Variants in GRM7 observed in about 807,000 individuals in gnomAD.
GRM7 encodes the protein metabotropic glutamate receptor 7.
GRM7 carries 35 observed loss-of-function variants against 84.5 expected under a neutral mutation model. That is an observed-to-expected ratio of 0.41 (90% confidence interval 0.32 to 0.55). The LOEUF (loss-of-function observed/expected upper bound fraction) is 0.55, where lower values mean the gene tolerates loss of function less well. Among genes scored for constraint, GRM7 ranks in the 20% least tolerant of loss-of-function variants. The pLI is 0.19. For missense variants in GRM7, 1,003 were observed against 1,194.6 expected, an observed-to-expected ratio of 0.84 and a Z score of 2.36; for synonymous variants, 487 against 455.1, an observed-to-expected ratio of 1.07 and a Z score of -0.89.
chr3:7,089,783 T>C (rs904069374), intron 1 of GRM7, among the ~76,000 whole-genome samples: 2 of 152,104 alleles, frequency 1.3e-5, no homozygotes, highest in Non-Finnish European at 2.9e-5. Context: ...TTTCAAGAGA[T>C]GTTGTGAGAT....
intron 4 of GRM7, among the ~76,000 whole-genome samples, chr3:7,370,336 T>C (rs7647276): frequency 0.38 from 57,946 of 151,946 alleles, 11,538 homozygotes; most frequent in East Asian, 0.57. Flanking sequence ...TTGGATGATA[T>C]GGATCCAGAT....
In GRM7 at chr3:6,944,859, G is replaced by T. The variant is rs558163916; in HGVS notation, c.519+82952G>T. Among the ~76,000 whole-genome samples, 11 of 152,180 alleles carry T rather than the reference G, an allele frequency of 7.2e-5. No individual in the cohort carries two copies. In the East Asian group the frequency reaches 2.1e-3, roughly 29 times the overall value. On this transcript the variant is annotated intron_variant, in intron 1 of 9. Coordinates refer to ENST00000357716, the MANE Select transcript of GRM7 (RefSeq NM_000844.4). ...ACAAGTTCATTTTCAGCCTACTCAG[G>T]TTCTCTATTTATTAAGTGAGCCCTT...
chr3:7,432,310 C>T (rs1559317470), intron 5 of GRM7, among the ~76,000 whole-genome samples: 1 of 152,104 alleles, frequency 6.6e-6, no homozygotes, highest in Non-Finnish European at 1.5e-5. Context: ...TAAACCAAGG[C>T]ATCTAGTTGT....
At chr3:7,433,800 A>G (rs1171339776) in intron 5 of GRM7, among the ~76,000 whole-genome samples, 2 of 152,216 alleles carry the variant, frequency 1.3e-5, no homozygotes, top group African/African-American at 4.8e-5. Flanking sequence ...TTGAAAATAG[A>G]ATTTTGTCTG....
chr3:7,200,365 G>A (rs1050181039), intron 2 of GRM7, among the ~76,000 whole-genome samples: 2 of 152,154 alleles, frequency 1.3e-5, no homozygotes, highest in East Asian at 1.9e-4. Flanking sequence ...GGGAAGTTAT[G>A]TTTTTACTTT....
At chr3:7,626,958 A>G (rs1170079556) in intron 8 of GRM7, among the ~76,000 whole-genome samples, 1 of 149,402 alleles carries the variant, frequency 6.7e-6, no homozygotes, top group Non-Finnish European at 1.5e-5. Context: ...AGAAACATTT[A>G]CATAATGACT....
chr3:7,425,960 T>C (rs1027352054), intron 5 of GRM7, among the ~76,000 whole-genome samples: 1 of 152,142 alleles, frequency 6.6e-6, no homozygotes, highest in African/African-American at 2.4e-5. Flanking sequence ...ATTCTTTCTT[T>C]CCTTGGATGA....
intron 1 of GRM7, among the ~76,000 whole-genome samples, chr3:6,955,126 T>C (rs1054005580): frequency 1.3e-5 from 2 of 152,226 alleles, no homozygotes; most frequent in African/African-American, 4.8e-5. Context: ...GACCTTTCTT[T>C]CACATAAATT....
At chr3:6,878,111 A>T (rs1695382000) in intron 1 of GRM7, among the ~76,000 whole-genome samples, 1 of 152,146 alleles carries the variant, frequency 6.6e-6, no homozygotes, top group African/African-American at 2.4e-5. Flanking sequence ...TAGCTTCAGA[A>T]GTGTGAAATT....
intron 2 of GRM7, among the ~76,000 whole-genome samples, chr3:7,276,905 C>G (rs935759976): frequency 1.3e-5 from 2 of 151,296 alleles, no homozygotes; most frequent in East Asian, 3.9e-4. Flanking sequence ...TTTTGCTTAA[C>G]AAAAGTTGAT....
chr3:7,518,544 G>A (rs1700476084), intron 7 of GRM7, among the ~76,000 whole-genome samples: 1 of 152,168 alleles, frequency 6.6e-6, no homozygotes, highest in Admixed American at 6.5e-5. Context: ...ACATTAAGCT[G>A]TTAATTCACT....
chr3:7,699,655 T>G (rs1701155178), intron 9 of GRM7, among the ~76,000 whole-genome samples: 1 of 152,052 alleles, frequency 6.6e-6, no homozygotes, highest in South Asian at 2.1e-4. Context: ...TCCTACTGGG[T>G]TTTTTTTATC....
Position 7,103,816 on chromosome 3 carries a change from T to TTCTTTCTTTCTTTCTC in GRM7, c.520-42633_520-42632insTTCTTTCTTTCTCTCT, listed in dbSNP as rs1553617438. On this transcript the variant is annotated intron_variant, in intron 1 of 9. Transcript: ENST00000357716. ...TTTCTTTCTTTCTTTCTTTCTTTCT[T>TTCTTTCTTTCTTTCTC]TCTCTCTCTCTCTGTCTCTCTCTCC... Among the ~76,000 whole-genome samples, 78 of 89,104 alleles carry TTCTTTCTTTCTTTCTC rather than the reference T, an allele frequency of 8.8e-4. 1 individual carries two copies. The highest frequency in any genetic ancestry group is 3.5e-3 in the African/African-American group (73 of 20,762). 58.5% of individuals were successfully genotyped at this position (89,104 alleles called of 152,430 possible).
intron 1 of GRM7, among the ~76,000 whole-genome samples, chr3:6,874,153 T>C (rs1211670675): frequency 1.3e-5 from 2 of 152,222 alleles, no homozygotes; most frequent in Non-Finnish European, 2.9e-5. Context: ...TTGTGAAGAA[T>C]GAATGACTAG....
At chr3:6,948,991 G>A (rs1011596798) in intron 1 of GRM7, among the ~76,000 whole-genome samples, 5 of 152,092 alleles carry the variant, frequency 3.3e-5, no homozygotes, top group African/African-American at 1.2e-4. Context: ...CACACTGATG[G>A]GTCTTGACTC....
rs532084891 is a variant in GRM7, at chr3:7,306,420, T to G, written c.879-78T>G. On this transcript the variant is annotated intron_variant, in intron 3 of 9. Transcript: ENST00000357716. ...TTTTGAGGAAGAATAGTACCTTTCCTTTTGCTGACTTGCAATCTACACGGA... is the reference window on the plus strand; with the variant it reads ...TTTTGAGGAAGAATAGTACCTTTCCGTTTGCTGACTTGCAATCTACACGGA... 7.8e-6 allele frequency: 10 copies of G among 1,281,256 alleles called. No homozygotes were observed. In the African/African-American group the frequency reaches 1.3e-4, roughly 17 times the overall value. 79.4% of individuals were successfully genotyped at this position (1,281,256 alleles called of 1,614,324 possible). A position where few individuals can be genotyped will look rare whatever the true frequency, so the allele number is the denominator to read the frequency against.
At chr3:7,105,669 C>T (rs942921581) in intron 1 of GRM7, among the ~76,000 whole-genome samples, 1 of 151,768 alleles carries the variant, frequency 6.6e-6, no homozygotes, top group Non-Finnish European at 1.5e-5. Context: ...ACCATATTCA[C>T]TTTCCCTTAA....
intron 7 of GRM7, among the ~76,000 whole-genome samples, chr3:7,521,767 C>T (rs1227676620): frequency 6.6e-6 from 1 of 152,082 alleles, no homozygotes; most frequent in African/African-American, 2.4e-5. Context: ...CTGCTATGCT[C>T]TTTAGATAAA....
At position 6,928,684 on chromosome 3, in the gene GRM7, G is replaced by A. The variant is rs1040970014; in HGVS notation, c.519+66777G>A. On this transcript the variant is annotated intron_variant, in intron 1 of 9. Transcript: ENST00000357716. The surrounding 1 kb of genome is among the most constrained non-coding windows in gnomAD (Gnocchi z 4.5). ...TCAATAGAAGCTTAGTTAAGCAGGTGATAATCTTCTCTTGGCCTCCAATTT... is the reference window on the plus strand; with the variant it reads ...TCAATAGAAGCTTAGTTAAGCAGGTAATAATCTTCTCTTGGCCTCCAATTT... Among the ~76,000 whole-genome samples, 6 of 152,154 alleles carry A rather than the reference G, an allele frequency of 3.9e-5. No homozygotes were observed. Among genetic ancestry groups the A allele is most frequent in the Admixed American group, 2.6e-4 (4 of 15,270 alleles).
Sources: allele counts gnomAD v4.1 joint callset (sites outside exome capture counted in the v4.1 genomes callset), GRCh38; gene constraint gnomAD v4.1.1; non-coding constraint Gnocchi (gnomAD v3.1); transcripts MANE v1.5; gene names NCBI Gene and HGNC (gene_info 2026-07-23, HGNC 2026-07-21).